HEATR4: variants seen among roughly 807,000 people sequenced by gnomAD.
HEATR4 encodes the protein HEAT repeat-containing protein 4.
HEATR4 carries 95 observed loss-of-function variants against 108.8 expected under a neutral mutation model. That is an observed-to-expected ratio of 0.87 (90% CI 0.74 to 1.04). The LOEUF is 1.04. Ranked by LOEUF, HEATR4 falls within the 50% of genes least tolerant of loss-of-function variation. The pLI is 0.00. For missense variants in HEATR4, 1,152 were observed against 1,253.8 expected (o/e 0.92, Z 1.23); for synonymous variants, 443 against 459.4 (o/e 0.96, Z 0.46).
the HEATR4 span, among the ~76,000 whole-genome samples, chr14:73,608,300 G>A: frequency 6.6e-6 from 1 of 152,176 alleles, no homozygotes; most frequent in Non-Finnish European, 1.5e-5. Context: ...TGAACGCTTT[G>A]CTGCTTACAT....
the HEATR4 span, among the ~76,000 whole-genome samples, chr14:73,604,114 AACAG>A: frequency 1.4e-4 from 22 of 151,840 alleles, no homozygotes; most frequent in Admixed American, 7.2e-4. Flanking sequence ...CAACTACACA[AACAG>A]ACAGAAGAAA....
chr14:73,512,247 A>T, intron 6 of HEATR4, 98 bp from the exon 7 acceptor site: 5 of 1,353,034 alleles, frequency 3.7e-6, no homozygotes, highest in Non-Finnish European at 5.1e-6. Context: ...CACCCAGAAT[A>T]ATTCAAGCAA....
At chr14:73,606,418 G>A in the HEATR4 span, among the ~76,000 whole-genome samples, 20 of 151,560 alleles carry the variant, frequency 1.3e-4, no homozygotes, top group African/African-American at 2.2e-4. Context: ...TCAAACACTC[G>A]GGGAGACTGA....
At chr14:73,616,832 T>C in the HEATR4 span, 1 of 549,158 alleles carries the variant, frequency 1.8e-6, no homozygotes. Context: ...AATATGTAGT[T>C]TTTTATCCCT....
Position 73,492,095 on chromosome 14 carries a change from T to C in HEATR4, c.2844+971A>G, listed in dbSNP as rs1358728380. ...GGAAGGTAGGAAACTCTGGCGTGTA[T>C]ACCGACCCCGAGTCCCAACCGAGGA... On this transcript the variant is annotated intron_variant, in intron 17 of 17. Transcript: ENST00000553558. The surrounding 1 kb of genome is among the most constrained non-coding windows in gnomAD (Gnocchi z 4.9). 6.2e-7 allele frequency: 1 copy of C among 1,613,902 alleles called. No individual in the cohort carries two copies. The highest frequency in any genetic ancestry group is 8.5e-7 in the Non-Finnish European group (1 of 1,179,866).
At chr14:73,550,876 T>G (rs1181781017) in intron 1 of HEATR4, among the ~76,000 whole-genome samples, 2 of 114,872 alleles carry the variant, frequency 1.7e-5, no homozygotes, top group Non-Finnish European at 1.9e-5. Flanking sequence ...AAGAATGCAG[T>G]TTTTGCTGGG....
chr14:73,511,818 G>A (rs1887285102), intron 7 of HEATR4, among the ~76,000 whole-genome samples, 188 bp downstream of exon 7: 1 of 152,186 alleles, frequency 6.6e-6, no homozygotes, highest in Non-Finnish European at 1.5e-5. Context: ...AAAAATTACT[G>A]GACTAGAAGT....
chr14:73,590,480 A>G, the HEATR4 span, among the ~76,000 whole-genome samples: 2 of 152,154 alleles, frequency 1.3e-5, no homozygotes, highest in African/African-American at 2.4e-5. Flanking sequence ...GTGCGCCCGC[A>G]CTTCTCAGCC....
Position 73,522,965 on chromosome 14 carries a change from T to C in HEATR4, c.188A>G (p.Tyr63Cys), listed in dbSNP as rs769567563. 1.2e-6 allele frequency: 2 copies of C among 1,614,104 alleles called. No homozygotes were observed. Among genetic ancestry groups the C allele is most frequent in the Non-Finnish European group, 8.5e-7 (1 of 1,180,052 alleles). Reference sequence around the variant, plus strand: ...AAGGTTTGCAGCAGCCATTTTCAAATATTGGCTCTTGCGGTGTAGACGGTA... The same window carrying C: ...AAGGTTTGCAGCAGCCATTTTCAAACATTGGCTCTTGCGGTGTAGACGGTA... ...SQYRLHRKSQ[Y>C]LKMAAANLTF... is the part of the protein sequence containing the mutation. Residue 63 changes from tyrosine to cysteine, a missense_variant, in exon 3 of 18, where the codon TAT (tyrosine) becomes TGT (cysteine). Physicochemically the swap from Tyr to Cys is radical, Grantham distance 194. Coordinates refer to ENST00000553558, the MANE Select transcript of HEATR4 (RefSeq NM_001220484.1).
At chr14:73,491,070 G>C in intron 17 of HEATR4, 1 of 1,594,700 alleles carries the variant, frequency 6.3e-7, no homozygotes, top group Non-Finnish European at 8.5e-7. Context: ...CGGCCGAAGC[G>C]CCGGCGCAAG....
rs1888768609 is a variant in HEATR4 at position 73,533,408 on chromosome 14, G to A, written c.-151-3164C>T. ...AAAGGAATGAAATGGGCCAGGCGTG[G>A]TGGCTCAGGCCTGTAATCCCAGCAC... is the stretch of plus-strand genomic sequence containing the variant. On this transcript the variant is annotated intron_variant, in intron 1 of 17. Coordinates refer to ENST00000553558, the MANE Select transcript of HEATR4 (RefSeq NM_001220484.1). Among the ~76,000 whole-genome samples the A allele has an allele frequency of 4.3e-5, 5 of 116,100 alleles. 2 individuals carry two copies. The highest frequency in any genetic ancestry group is 2.9e-4 in the Admixed American group (3 of 10,340). The allele number at this position is 116,100 out of a possible 152,430, so 76.2% of individuals were successfully genotyped here. A position where few individuals can be genotyped will look rare whatever the true frequency, so the allele number is the denominator to read the frequency against.
At chr14:73,509,890 T>G in intron 7 of HEATR4, among the ~76,000 whole-genome samples, 1 of 137,122 alleles carries the variant, frequency 7.3e-6, no homozygotes, top group Non-Finnish European at 1.6e-5. Context: ...TATATATTTT[T>G]TGAGACGGAG....
chr14:73,591,758 G>A, the HEATR4 span: 1 of 464,058 alleles, frequency 2.2e-6, no homozygotes, highest in African/African-American at 2.0e-5. Flanking sequence ...CCCTGAAGAG[G>A]AGCCTGGCTA....
intron 17 of HEATR4, among the ~76,000 whole-genome samples, chr14:73,484,841 C>G (rs1047661709): frequency 4.0e-5 from 6 of 151,288 alleles, no homozygotes; most frequent in African/African-American, 7.3e-5. Flanking sequence ...CAGACACACA[C>G]ACACACACAC....
At chr14:73,605,668 T>G in the HEATR4 span, among the ~76,000 whole-genome samples, 1 of 142,846 alleles carries the variant, frequency 7.0e-6, no homozygotes, top group Non-Finnish European at 1.5e-5. Flanking sequence ...TCTCCTGGGC[T>G]CAAGCAGTTC....
At chr14:73,524,310 A>AAATATATATATAT in intron 2 of HEATR4, among the ~76,000 whole-genome samples, 12 of 54,778 alleles carry the variant, frequency 2.2e-4, no homozygotes, top group East Asian at 4.5e-4. Context: ...AAAAAAAAAA[A>AAATATATATATAT]ATATATATAT....
At chr14:73,511,310 C>T (rs1351259419) in intron 7 of HEATR4, among the ~76,000 whole-genome samples, 2 of 151,616 alleles carry the variant, frequency 1.3e-5, no homozygotes, top group Non-Finnish European at 2.9e-5. Context: ...GTCAGGAGTT[C>T]AAGACCAGCC....
At chr14:73,502,241 T>C (rs2140264345) in intron 11 of HEATR4, among the ~76,000 whole-genome samples, 1 of 152,188 alleles carries the variant, frequency 6.6e-6, no homozygotes, top group South Asian at 2.1e-4. Context: ...CTTACTCCTC[T>C]AGCCACGCTG....
chr14:73,612,625 G>A, the HEATR4 span: 3,287 of 1,408,582 alleles, frequency 2.3e-3, 8 homozygotes, highest in Non-Finnish European at 2.7e-3. Flanking sequence ...GGGACGAGCC[G>A]CTGCGCATCG....
Sources: gnomAD v4.1 joint callset for allele counts (sites outside exome capture counted in the v4.1 genomes callset) on GRCh38, gnomAD v4.1.1 for gene constraint, Gnocchi (gnomAD v3.1) non-coding constraint, MANE v1.5 for transcripts, NCBI Gene and HGNC (gene_info 2026-07-23, HGNC 2026-07-21) for gene names.